Variants in CTNNA3 observed in about 807,000 individuals in gnomAD.
CTNNA3 encodes the protein catenin alpha-3.
CTNNA3 carries 76 observed loss-of-function variants against 95.7 expected under a neutral mutation model. The observed-to-expected ratio is 0.79, with a 90% CI of 0.66 to 0.96. CTNNA3 has a LOEUF of 0.96. Ranked by LOEUF, CTNNA3 falls within the 40% of genes least tolerant of loss-of-function variation. The pLI, the probability that CTNNA3 is intolerant of heterozygous loss-of-function variation, is 0.00. For missense variants in CTNNA3, 1,191 were observed against 1,089.8 expected (o/e 1.09, Z -1.31); for synonymous variants, 431 against 374.4 (o/e 1.15, Z -1.74).
intron 10 of CTNNA3, among the ~76,000 whole-genome samples, chr10:66,540,877 G>C (rs1404049565): frequency 1.3e-5 from 2 of 151,894 alleles, no homozygotes; most frequent in Non-Finnish European, 1.5e-5. Flanking sequence ...TCCCTCTCAG[G>C]CTTTATCTTT....
intron 6 of CTNNA3, among the ~76,000 whole-genome samples, chr10:67,189,147 A>C (rs1480843438): frequency 1.4e-5 from 2 of 147,782 alleles, no homozygotes; most frequent in African/African-American, 2.5e-5. Context: ...AACAACAAAA[A>C]AAAAAACAGA....
At chr10:67,711,015 C>G (rs1038925198) in intron 1 of CTNNA3, among the ~76,000 whole-genome samples, 3 of 152,158 alleles carry the variant, frequency 2.0e-5, no homozygotes, top group African/African-American at 7.2e-5. Flanking sequence ...CTAATGAGAT[C>G]TGATGGTTTT....
At position 67,559,259 on chromosome 10, in the gene CTNNA3, C is replaced by A. The variant is rs563369820; in HGVS notation, c.293-19590G>T. Among the ~76,000 whole-genome samples the A allele has an allele frequency of 1.8e-3, 267 of 152,292 alleles. 1 individual carries two copies. The highest frequency in any genetic ancestry group is 6.1e-3 in the African/African-American group (254 of 41,568). On this transcript the variant is annotated intron_variant, in intron 3 of 17. Coordinates refer to ENST00000433211, the MANE Select transcript of CTNNA3 (RefSeq NM_013266.4). Reference sequence around the variant, plus strand: ...AACCCCCAGTAGGGGCAGACTGACACCTCACACGGCTGGGTACCCCTCTGA... The same window carrying A: ...AACCCCCAGTAGGGGCAGACTGACAACTCACACGGCTGGGTACCCCTCTGA...
chr10:66,240,315 T>C (rs909099316), intron 13 of CTNNA3, among the ~76,000 whole-genome samples: 28 of 152,108 alleles, frequency 1.8e-4, no homozygotes, highest in African/African-American at 6.8e-4. Flanking sequence ...CATTAACTTA[T>C]GTAAACGGCT....
intron 9 of CTNNA3, among the ~76,000 whole-genome samples, chr10:66,744,906 C>A (rs1849451394): frequency 6.6e-6 from 1 of 152,110 alleles, no homozygotes; most frequent in Non-Finnish European, 1.5e-5. Flanking sequence ...CAGAAGTCAG[C>A]ACCCAAAAAT....
intron 15 of CTNNA3, among the ~76,000 whole-genome samples, chr10:66,020,042 TTC>T (rs1413642948): frequency 1.3e-5 from 2 of 152,194 alleles, no homozygotes; most frequent in African/African-American, 2.4e-5. Context: ...ATACATGTAT[TTC>T]AAAACTTATT....
intron 3 of CTNNA3, among the ~76,000 whole-genome samples, chr10:67,563,019 G>C (rs553980848): frequency 6.5e-4 from 99 of 152,162 alleles, no homozygotes; most frequent in African/African-American, 2.3e-3. Flanking sequence ...AACATTCCAT[G>C]CTCATGGGTA....
chr10:67,003,984 T>C (rs935441234), intron 7 of CTNNA3, among the ~76,000 whole-genome samples: 11 of 152,164 alleles, frequency 7.2e-5, no homozygotes, highest in Non-Finnish European at 1.5e-5. Context: ...AAAGGACTTA[T>C]ATTCTGAAGC....
chr10:66,400,595 A>G (rs1469251495), intron 11 of CTNNA3, among the ~76,000 whole-genome samples: 2 of 152,044 alleles, frequency 1.3e-5, no homozygotes, highest in African/African-American at 4.8e-5. Flanking sequence ...CCTCTCTCCC[A>G]TGTCAATTCT....
At chr10:66,763,341 C>CACACACAGAGAGAGAG (rs371974709) in intron 9 of CTNNA3, among the ~76,000 whole-genome samples, 4 of 139,104 alleles carry the variant, frequency 2.9e-5, no homozygotes, top group Non-Finnish European at 6.1e-5. Context: ...CACACACACA[C>CACACACAGAGAGAGAG]AGAGAGAGAG....
At chr10:66,066,642 A>G (rs1241836850) in intron 15 of CTNNA3, among the ~76,000 whole-genome samples, 1 of 152,210 alleles carries the variant, frequency 6.6e-6, no homozygotes, top group Non-Finnish European at 1.5e-5. Flanking sequence ...AGGTATTTTT[A>G]TGAAATTCCA....
chr10:66,674,371 A>G (rs1379702105), intron 9 of CTNNA3, among the ~76,000 whole-genome samples: 1 of 151,930 alleles, frequency 6.6e-6, no homozygotes, highest in Non-Finnish European at 1.5e-5. Context: ...TATTCAGTGT[A>G]TAGTGTAATT....
intron 7 of CTNNA3, among the ~76,000 whole-genome samples, chr10:67,009,993 T>C (rs1031351402): frequency 6.6e-6 from 1 of 152,202 alleles, no homozygotes; most frequent in African/African-American, 2.4e-5. Flanking sequence ...TTCAGCTACC[T>C]GTCCTGGAGG....
chr10:66,379,924 C>A (rs1589163615), intron 11 of CTNNA3, among the ~76,000 whole-genome samples: 1 of 152,056 alleles, frequency 6.6e-6, no homozygotes, highest in African/African-American at 2.4e-5. Context: ...GATTAATACT[C>A]CCAGCTAAAA....
intron 7 of CTNNA3, among the ~76,000 whole-genome samples, chr10:66,814,663 C>A (rs1470623527): frequency 8.6e-5 from 13 of 151,960 alleles, no homozygotes; most frequent in Non-Finnish European, 1.5e-5. Flanking sequence ...ATTTGAGGGG[C>A]TGAGGTGGGA....
chr10:66,318,539 T>C (rs939537997), intron 12 of CTNNA3, among the ~76,000 whole-genome samples: 2 of 151,976 alleles, frequency 1.3e-5, no homozygotes, highest in Non-Finnish European at 2.9e-5. Context: ...TCCTCTCCAA[T>C]ATCCATATGC....
chr10:67,310,633 T>C (rs1421054175), intron 5 of CTNNA3, among the ~76,000 whole-genome samples: 1 of 152,166 alleles, frequency 6.6e-6, no homozygotes, highest in Non-Finnish European at 1.5e-5. Context: ...TCAGGAAACT[T>C]ACAATCATGG....
intron 9 of CTNNA3, among the ~76,000 whole-genome samples, chr10:66,717,532 T>C (rs1377709772): frequency 1.3e-5 from 2 of 152,110 alleles, no homozygotes; most frequent in African/African-American, 2.4e-5. Context: ...TACATGTCTG[T>C]CAAAGGTTAG....
intron 5 of CTNNA3, among the ~76,000 whole-genome samples, chr10:67,295,729 G>A (rs1218179163): frequency 6.6e-6 from 1 of 152,172 alleles, no homozygotes; most frequent in African/African-American, 2.4e-5. Flanking sequence ...GCCTAAAAGT[G>A]TCAATGTGGG....
Sources: allele counts gnomAD v4.1 joint callset (sites outside exome capture counted in the v4.1 genomes callset), GRCh38; gene constraint gnomAD v4.1.1; transcripts MANE v1.5; gene names NCBI Gene and HGNC (gene_info 2026-07-23, HGNC 2026-07-21).